The following LRRTM4 variants were observed in gnomAD, a reference collection of about 807,000 sequenced individuals.
The protein encoded by LRRTM4 is leucine rich repeat transmembrane neuronal 4, also known as leucine-rich repeat transmembrane neuronal protein 4.
Under a neutral mutation model 47.6 loss-of-function variants are expected in LRRTM4, and 25 were observed. The observed-to-expected ratio is 0.53, with a 90% confidence interval of 0.38 to 0.73. LRRTM4 has a LOEUF of 0.73. LRRTM4 is among the 30% of genes least tolerant of loss of function. The pLI is 0.00. For missense variants in LRRTM4, 638 were observed against 713.4 expected (o/e 0.89, Z 1.20); for synonymous variants, 311 against 269.5 (o/e 1.15, Z -1.51).
chr2:77,313,740 C>T (rs549942114), intron 3 of LRRTM4, among the ~76,000 whole-genome samples: 175 of 152,214 alleles, frequency 1.1e-3, no homozygotes, highest in South Asian at 2.1e-3. Context: ...GAGTGTTCTT[C>T]CTGAAGCCTA....
At chr2:77,080,644 CCT>C (rs752246361) in intron 3 of LRRTM4, among the ~76,000 whole-genome samples, 1 of 146,050 alleles carries the variant, frequency 6.8e-6, no homozygotes, top group African/African-American at 2.5e-5. Flanking sequence ...TCATCCTTGA[CCT>C]CTCTCTTTCT....
chr2:77,191,432 C>G (rs75675448), intron 3 of LRRTM4, among the ~76,000 whole-genome samples: 1 of 151,716 alleles, frequency 6.6e-6, no homozygotes, highest in African/African-American at 2.4e-5. Flanking sequence ...ATTTGTTTCT[C>G]AAACTTTATT....
At chr2:77,299,176 T>C (rs1273098256) in intron 3 of LRRTM4, among the ~76,000 whole-genome samples, 1 of 151,844 alleles carries the variant, frequency 6.6e-6, no homozygotes, top group Non-Finnish European at 1.5e-5. Flanking sequence ...CTCGCAACAA[T>C]GCAGACTAGC....
In LRRTM4 at chr2:76,967,525, C is replaced by A. The variant is rs546012763; in HGVS notation, c.1552-218609G>T. 7.9e-5 allele frequency among the ~76,000 whole-genome samples: 12 copies of A among 151,554 alleles called. No homozygotes were observed. The Middle Eastern group carries it at 0.01, about 130-fold the overall frequency. On this transcript the variant is annotated intron_variant, in intron 3 of 3. Coordinates refer to ENST00000409884, the MANE Select transcript of LRRTM4 (RefSeq NM_001134745.3). ...GTATTGTTGAAATGTGGGTTTGGGGCTTTTTTAACCTGCTGCATACCTCCC... is the reference window on the plus strand; with the variant it reads ...GTATTGTTGAAATGTGGGTTTGGGGATTTTTTAACCTGCTGCATACCTCCC...
intron 3 of LRRTM4, among the ~76,000 whole-genome samples, chr2:76,975,120 G>A (rs575873016): frequency 6.6e-6 from 1 of 151,764 alleles, no homozygotes; most frequent in Admixed American, 6.6e-5. Flanking sequence ...GGTGACACTG[G>A]TTGATTACCA....
intron 3 of LRRTM4, among the ~76,000 whole-genome samples, chr2:76,879,660 T>C (rs1445886783): frequency 6.6e-6 from 1 of 152,218 alleles, no homozygotes; most frequent in African/African-American, 2.4e-5. Context: ...ATAATTTTGA[T>C]TTGAGAACAT....
At chr2:77,434,956 G>T (rs1226116122) in intron 3 of LRRTM4, among the ~76,000 whole-genome samples, 1 of 151,990 alleles carries the variant, frequency 6.6e-6, no homozygotes, top group Non-Finnish European at 1.5e-5. Flanking sequence ...AGAGGACCTA[G>T]TCATCCAGTT....
intron 3 of LRRTM4, among the ~76,000 whole-genome samples, chr2:77,029,331 T>C (rs548782471): frequency 6.6e-6 from 1 of 151,670 alleles, no homozygotes; most frequent in African/African-American, 2.4e-5. Flanking sequence ...CCAGTCCGAG[T>C]CCCAAAACCT....
intron 3 of LRRTM4, among the ~76,000 whole-genome samples, chr2:77,115,781 T>C (rs1478833403): frequency 6.6e-6 from 1 of 152,212 alleles, no homozygotes; most frequent in Non-Finnish European, 1.5e-5. Flanking sequence ...TTGATATCTA[T>C]AGACTTCCTT....
intron 3 of LRRTM4, among the ~76,000 whole-genome samples, chr2:77,470,685 T>C (rs187222928): frequency 3.3e-4 from 50 of 152,276 alleles, no homozygotes; most frequent in Admixed American, 2.4e-3. Flanking sequence ...TTTTTCATTA[T>C]AATGTTTGTC....
chr2:77,333,347 G>A (rs1671040295), intron 3 of LRRTM4, among the ~76,000 whole-genome samples: 1 of 152,204 alleles, frequency 6.6e-6, no homozygotes, highest in Admixed American at 6.5e-5. Context: ...AGAAAAATGT[G>A]TGAAAGTTTG....
intron 3 of LRRTM4, among the ~76,000 whole-genome samples, chr2:76,898,049 T>C (rs1039498089): frequency 2.0e-5 from 3 of 152,172 alleles, no homozygotes; most frequent in South Asian, 4.1e-4. Context: ...AGTTTCCTAT[T>C]AGAGTTTCTC....
intron 3 of LRRTM4, among the ~76,000 whole-genome samples, chr2:77,154,310 A>C (rs1194549950): frequency 6.6e-6 from 1 of 152,200 alleles, no homozygotes; most frequent in Non-Finnish European, 1.5e-5. Context: ...TGTGCATTTG[A>C]GTACTCAATA....
intron 3 of LRRTM4, among the ~76,000 whole-genome samples, chr2:76,833,363 G>C (rs7565333): frequency 0.037 from 5,583 of 151,786 alleles, 315 homozygotes; most frequent in African/African-American, 0.12. Flanking sequence ...GAGAGGTCAG[G>C]GTAGCTGAAT....
At chr2:77,192,677 T>C (rs1246833627) in intron 3 of LRRTM4, among the ~76,000 whole-genome samples, 1 of 152,158 alleles carries the variant, frequency 6.6e-6, no homozygotes, top group East Asian at 1.9e-4. Context: ...TTGCTTCTAG[T>C]AGTTTTGTAT....
At chr2:77,360,521 CG>C (rs1389683455) in intron 3 of LRRTM4, among the ~76,000 whole-genome samples, 9 of 145,376 alleles carry the variant, frequency 6.2e-5, no homozygotes, top group East Asian at 2.0e-4. Flanking sequence ...CGATACGATA[CG>C]ATACGATACG....
At chr2:76,904,140 G>C (rs948209709) in intron 3 of LRRTM4, among the ~76,000 whole-genome samples, 2 of 152,178 alleles carry the variant, frequency 1.3e-5, no homozygotes, top group Admixed American at 6.5e-5. Flanking sequence ...ATGAAGCATA[G>C]TATAATTGAG....
chr2:76,940,623 A>G (rs569224432), intron 3 of LRRTM4, among the ~76,000 whole-genome samples: 81 of 152,230 alleles, frequency 5.3e-4, no homozygotes, highest in Admixed American at 1.2e-3. Flanking sequence ...AGGCACATGT[A>G]CCCCTGAACT....
At position 76,949,432 on chromosome 2, in the gene LRRTM4, C is replaced by G. The variant is rs112566899; in HGVS notation, c.1552-200516G>C. Among the ~76,000 whole-genome samples the G allele has an allele frequency of 8.4e-3, 1,281 of 151,958 alleles. 26 individuals are homozygous for G. Among genetic ancestry groups the G allele is most frequent in the Non-Finnish European group, 8.9e-3 (601 of 67,870 alleles). ...ATAATGCAAGGTAAACCCTGTTCTA[C>G]TAGGGAATGGAATAAAGTACCCCAA... is the stretch of plus-strand genomic sequence containing the variant. On this transcript the variant is annotated intron_variant, in intron 3 of 3. Transcript: ENST00000409884.
Sources: allele counts gnomAD v4.1 joint callset (sites outside exome capture counted in the v4.1 genomes callset), GRCh38; gene constraint gnomAD v4.1.1; transcripts MANE v1.5; gene names NCBI Gene and HGNC (gene_info 2026-07-23, HGNC 2026-07-21).